LPP: variants seen among roughly 807,000 people sequenced by gnomAD.
LPP encodes lipoma-preferred partner.
LPP carries 38 observed loss-of-function variants against 60.4 expected under a neutral mutation model. The observed-to-expected ratio is 0.63, with a 90% CI of 0.49 to 0.83. The LOEUF (loss-of-function observed/expected upper bound fraction) is 0.83. Among genes scored for constraint, LPP ranks in the 40% least tolerant of loss-of-function variants. LPP has a pLI of 0.00. For synonymous variants in LPP, 328 were observed against 290.8 expected (o/e 1.13, Z -1.30); for missense variants, 902 against 783.6 (o/e 1.15, Z -1.80).
chr3:188,361,672 T>A (rs1052219948), intron 3 of LPP, among the ~76,000 whole-genome samples: 2 of 151,814 alleles, frequency 1.3e-5, no homozygotes, highest in Non-Finnish European at 2.9e-5. Context: ...GTCCAAGCGA[T>A]TCTCATGCCT....
In LPP at chr3:188,610,695, A is replaced by G. The variant is rs946424031; in HGVS notation, c.1113+851A>G. On this transcript the variant is annotated intron_variant, in intron 7 of 11. Coordinates refer to ENST00000617246, the MANE Select transcript of LPP (RefSeq NM_001375462.1). The surrounding 1 kb of genome is among the most constrained non-coding windows in gnomAD (Gnocchi z 4.4). ...GAATAGGTAAGGTGTAATACTACACATGCCCACTCACCACAACTTGGATTT... is the reference window on the plus strand; with the variant it reads ...GAATAGGTAAGGTGTAATACTACACGTGCCCACTCACCACAACTTGGATTT... Among the ~76,000 whole-genome samples the G allele has an allele frequency of 6.6e-6, 1 of 152,218 alleles. No homozygotes were observed. Among genetic ancestry groups the G allele is most frequent in the Non-Finnish European group, 1.5e-5 (1 of 68,034 alleles).
intron 9 of LPP, among the ~76,000 whole-genome samples, chr3:188,813,851 C>A (rs1415706894): frequency 6.6e-6 from 1 of 152,106 alleles, no homozygotes; most frequent in Non-Finnish European, 1.5e-5. Flanking sequence ...GGGCAAATCA[C>A]CTGAGGTCAG....
rs533768731 is a variant in LPP, at chr3:188,460,699, G to A, written c.194-23893G>A. 2.0e-5 allele frequency among the ~76,000 whole-genome samples: 3 copies of A among 152,332 alleles called. No individual in the cohort carries two copies. The South Asian group carries it at 6.2e-4, about 32-fold the overall frequency. On this transcript the variant is annotated intron_variant, in intron 4 of 11. Coordinates refer to ENST00000617246, the MANE Select transcript of LPP (RefSeq NM_001375462.1). ...TTTTATTTTGAAAGAACATGGCAAA[G>A]TGTGGAAAACAAGGAACATAGTTAA...
intron 3 of LPP, among the ~76,000 whole-genome samples, chr3:188,391,851 A>G (rs749403261): frequency 3.9e-5 from 6 of 152,016 alleles, no homozygotes; most frequent in Non-Finnish European, 5.9e-5. Flanking sequence ...CAATATGAGA[A>G]CACAGATGCT....
At chr3:188,178,332 C>A (rs557597929) in intron 1 of LPP, among the ~76,000 whole-genome samples, 2 of 152,236 alleles carry the variant, frequency 1.3e-5, no homozygotes, top group Non-Finnish European at 2.9e-5. Flanking sequence ...CTCCTCCTCA[C>A]GCTGAGACCC....
chr3:188,869,470 T>C (rs1767510749), intron 10 of LPP, among the ~76,000 whole-genome samples: 1 of 152,102 alleles, frequency 6.6e-6, no homozygotes, highest in African/African-American at 2.4e-5. Context: ...TTTATATTTT[T>C]AGTACAGACA....
At chr3:188,293,807 G>GTAA (rs1167091019) in intron 2 of LPP, among the ~76,000 whole-genome samples, 1 of 152,112 alleles carries the variant, frequency 6.6e-6, no homozygotes, top group East Asian at 1.9e-4. Flanking sequence ...GCTCATGCTT[G>GTAA]TAATCTCAGC....
At chr3:188,475,021 T>G (rs1300183968) in intron 4 of LPP, among the ~76,000 whole-genome samples, 1 of 152,250 alleles carries the variant, frequency 6.6e-6, no homozygotes, top group Non-Finnish European at 1.5e-5. Context: ...TGAAATCCAT[T>G]TAATGTTTTC....
chr3:188,842,357 T>G (rs545702137), intron 9 of LPP, among the ~76,000 whole-genome samples: 1 of 152,326 alleles, frequency 6.6e-6, no homozygotes, highest in East Asian at 1.9e-4. Flanking sequence ...TTCGCCCAAT[T>G]TTACATCAGA....
chr3:188,458,869 C>T lies in LPP; in HGVS notation c.194-25723C>T, dbSNP rs534530861. The stretch of plus-strand genomic sequence containing the variant: ...TTTTCGTGGCCGATTTCTTTCTTTC[C>T]TTCTTTTTTTTTTTCTGGAAGTAGG... On this transcript the variant is annotated intron_variant, in intron 4 of 11. Coordinates refer to ENST00000617246, the MANE Select transcript of LPP (RefSeq NM_001375462.1). 3.5e-3 allele frequency among the ~76,000 whole-genome samples: 533 copies of T among 150,614 alleles called. 3 individuals are homozygous for T. Among genetic ancestry groups the T allele is most frequent in the African/African-American group, 0.012 (482 of 41,006 alleles).
chr3:188,659,482 G>A (rs1854082959), intron 7 of LPP, among the ~76,000 whole-genome samples: 1 of 152,262 alleles, frequency 6.6e-6, no homozygotes, highest in South Asian at 2.1e-4. Context: ...GGAATCCAGG[G>A]TGGCCTTTAA....
In LPP at chr3:188,884,504, C is replaced by T. The variant is rs1770437513; in HGVS notation, c.*10025C>T. ...CTCTAGGTATTCTGTCTGATCAGCA[C>T]TGTGAGGAAGTTGGTGGGAAAAGGC... On this transcript the variant is annotated 3_prime_UTR_variant, in exon 12 of 12. Coordinates refer to ENST00000617246, the MANE Select transcript of LPP (RefSeq NM_001375462.1). 4.4e-6 allele frequency: 1 copy of T among 229,064 alleles called. No individual in the cohort carries two copies. The highest frequency in any genetic ancestry group is 2.2e-5 in the African/African-American group (1 of 45,114). 14.2% of individuals were successfully genotyped at this position (229,064 alleles called of 1,614,324 possible).
intron 2 of LPP, chr3:188,240,249 C>T (rs538206197): frequency 1.2e-5 from 2 of 172,136 alleles, no homozygotes; most frequent in East Asian, 1.0e-4. Context: ...AAATTTTAAG[C>T]CAAAAAGTAG....
rs1297547963 is a variant in LPP, at chr3:188,718,575, G to A, written c.1240+10182G>A. Among the ~76,000 whole-genome samples the A allele has an allele frequency of 3.3e-5, 5 of 152,270 alleles. No homozygotes were observed. In the East Asian group the frequency reaches 9.6e-4, roughly 29 times the overall value. ...CTCAGTGTCTTTATCCAATTTACTT[G>A]TAATATTTCCTATCTGTTTTCTTCA... On this transcript the variant is annotated intron_variant, in intron 8 of 11. Coordinates refer to ENST00000617246, the MANE Select transcript of LPP (RefSeq NM_001375462.1).
rs1481007309 is a variant in LPP, at chr3:188,885,120, G to A, written c.*10641G>A. The A allele has an allele frequency of 1.9e-5, 4 of 212,916 alleles. No homozygotes were observed. Among genetic ancestry groups the A allele is most frequent in the African/African-American group, 4.5e-5 (2 of 44,094 alleles). 13.2% of individuals were successfully genotyped at this position (212,916 alleles called of 1,614,324 possible). On this transcript the variant is annotated 3_prime_UTR_variant, in exon 12 of 12. Transcript: ENST00000617246. The stretch of plus-strand genomic sequence containing the variant: ...GTCCCTCAGGAAGCTGTACCTTTAG[G>A]GTGTGCTTTCCACTTTTTATTTCCT...
At position 188,198,683 on chromosome 3, in the gene LPP, G is replaced by A. The variant is rs116093184; in HGVS notation, c.-189-26722G>A. Among the ~76,000 whole-genome samples the A allele has an allele frequency of 1.1e-3, 164 of 152,284 alleles. 1 individual carries two copies. The highest frequency in any genetic ancestry group is 3.5e-3 in the African/African-American group (147 of 41,552). On this transcript the variant is annotated intron_variant, in intron 1 of 11. Coordinates refer to ENST00000617246, the MANE Select transcript of LPP (RefSeq NM_001375462.1). ...TGGGGCTGTTGGGTCCCATGTTTAT[G>A]TTGATTCATTTGCATTCCCCATGAA...
intron 9 of LPP, among the ~76,000 whole-genome samples, chr3:188,818,906 G>A (rs1215054960): frequency 6.6e-6 from 1 of 152,098 alleles, no homozygotes; most frequent in Admixed American, 6.6e-5. Context: ...AACTTTGGCT[G>A]TTGGAAGATA....
chr3:188,243,920 G>A (rs545030630), intron 2 of LPP, among the ~76,000 whole-genome samples: 6 of 152,102 alleles, frequency 3.9e-5, no homozygotes, highest in African/African-American at 1.4e-4. Flanking sequence ...CTGTCGCGCA[G>A]GCTGGAGAGT....
intron 2 of LPP, among the ~76,000 whole-genome samples, chr3:188,237,994 A>G (rs1366315485): frequency 6.6e-6 from 1 of 152,196 alleles, no homozygotes; most frequent in Non-Finnish European, 1.5e-5. Context: ...TCTACAATGA[A>G]AATCTGTTGT....
Sources: allele counts gnomAD v4.1 joint callset (sites outside exome capture counted in the v4.1 genomes callset), GRCh38; gene constraint gnomAD v4.1.1; non-coding constraint Gnocchi (gnomAD v3.1); transcripts MANE v1.5; gene names NCBI Gene and HGNC (gene_info 2026-07-23, HGNC 2026-07-21).